PNMA8C: variants seen among roughly 807,000 people sequenced by gnomAD.
PNMA8C encodes the protein paraneoplastic antigen-like protein 8C.
rs369030336 is a variant in PNMA8C, at chr19:46,427,706, C to T, written c.*39G>A. ...ACCCTCCCACAGTCATCACCCACACCCCCTCAGACACTCCCCACGCCCACC... is the reference window on the plus strand; with the variant it reads ...ACCCTCCCACAGTCATCACCCACACTCCCTCAGACACTCCCCACGCCCACC... On this transcript the variant is annotated 3_prime_UTR_variant, in exon 1 of 1. Transcript: ENST00000617053. 5.3e-4 allele frequency: 210 copies of T among 398,070 alleles called. 7 individuals are homozygous for T. In the South Asian group the frequency reaches 0.026, roughly 50 times the overall value. 24.7% of individuals were successfully genotyped at this position (398,070 alleles called of 1,614,324 possible).
In PNMA8C at chr19:46,426,386, CCTCAG is replaced by C. The variant is rs1969420193; in HGVS notation, c.*1354_*1358del. 1 of 152,082 alleles carries C rather than the reference CCTCAG, an allele frequency of 6.6e-6. No individual in the cohort carries two copies. The highest frequency in any genetic ancestry group is 1.5e-5 in the Non-Finnish European group (1 of 68,046). The allele number at this position is 152,082 out of a possible 1,614,324, so 9.4% of individuals were successfully genotyped here. A position where few individuals can be genotyped will look rare whatever the true frequency, so the allele number is the denominator to read the frequency against. ...AGAGCCGCTTACAGATCAGTGAGTT[CCTCAG>C]AGGTGGGGAGCAGGCAACTCACTCT... On this transcript the variant is annotated 3_prime_UTR_variant, in exon 1 of 1. Coordinates refer to ENST00000617053, the MANE Select transcript of PNMA8C (RefSeq NM_001386793.1).
chr19:46,427,433 A>C lies in PNMA8C; in HGVS notation c.*312T>G. ...TCCTGGAACATAGTAGGTATGCAAT[A>C]AATATCTGTAAGATGAATAAATGAG... On this transcript the variant is annotated 3_prime_UTR_variant, in exon 1 of 1. Coordinates refer to ENST00000617053, the MANE Select transcript of PNMA8C (RefSeq NM_001386793.1). 1 of 225,912 alleles carries C rather than the reference A, an allele frequency of 4.4e-6. No individual in the cohort carries two copies. The allele number at this position is 225,912 out of a possible 1,614,324, so 14.0% of individuals were successfully genotyped here.
At position 46,428,002 on chromosome 19, in the gene PNMA8C, T is replaced by C. The variant is rs1244244306; in HGVS notation, c.358A>G (p.Arg120Gly). 2.5e-6 allele frequency: 1 copy of C among 398,776 alleles called. No individual in the cohort carries two copies. Among genetic ancestry groups the C allele is most frequent in the Non-Finnish European group, 4.4e-6 (1 of 226,182 alleles). The allele number at this position is 398,776 out of a possible 1,614,324, so 24.7% of individuals were successfully genotyped here. A position where few individuals can be genotyped will look rare whatever the true frequency, so the allele number is the denominator to read the frequency against. ...KLNLFLQSEG[R>G]TVEDMARVLR... The stretch of plus-strand genomic sequence containing the variant: ...ACCCGGGCCATATCCTCCACCGTCC[T>C]GCCCTCGCTCTGCAGAAAGAGGTTC... The change falls in exon 1 of 1, where the codon AGG (arginine) becomes GGG (glycine). Residue 120 changes from arginine (R) to glycine (G), a missense_variant. Physicochemically the swap from Arg to Gly is moderately radical, Grantham distance 125. Coordinates refer to ENST00000617053, the MANE Select transcript of PNMA8C (RefSeq NM_001386793.1).
chr19:46,426,362 G>A lies in PNMA8C; in HGVS notation c.*1383C>T, dbSNP rs12052159. The stretch of plus-strand genomic sequence containing the variant: ...GTAGAGAAAGACGACAGCTTTTCAA[G>A]AGCCGCTTACAGATCAGTGAGTTCC... On this transcript the variant is annotated 3_prime_UTR_variant, in exon 1 of 1. Coordinates refer to ENST00000617053, the MANE Select transcript of PNMA8C (RefSeq NM_001386793.1). 43,673 of 151,824 alleles carry A rather than the reference G, an allele frequency of 0.29. 6,856 individuals are homozygous for A. The highest frequency in any genetic ancestry group is 0.38 in the South Asian group (1,807 of 4,808). The allele number at this position is 151,824 out of a possible 1,614,324, so 9.4% of individuals were successfully genotyped here.
chr19:46,426,890 A>G lies in PNMA8C; in HGVS notation c.*855T>C, dbSNP rs404997. On this transcript the variant is annotated 3_prime_UTR_variant, in exon 1 of 1. Coordinates refer to ENST00000617053, the MANE Select transcript of PNMA8C (RefSeq NM_001386793.1). ...GCGGCTGGTCCCGCGGGGTCTCCCG[A>G]GTAGCGGAAGATATTTGTGGGTCTT... is the stretch of plus-strand genomic sequence containing the variant. 104,894 of 152,252 alleles carry G rather than the reference A, an allele frequency of 0.69. 36,681 individuals carry two copies. Among genetic ancestry groups the G allele is most frequent in the African/African-American group, 0.83 (34,328 of 41,564 alleles). 9.4% of individuals were successfully genotyped at this position (152,252 alleles called of 1,614,324 possible). A position where few individuals can be genotyped will look rare whatever the true frequency, so the allele number is the denominator to read the frequency against.
At position 46,426,899 on chromosome 19, in the gene PNMA8C, A is replaced by C. The variant is rs1306280487; in HGVS notation, c.*846T>G. ...CCCGCGGGGTCTCCCGAGTAGCGGA[A>C]GATATTTGTGGGTCTTTGAGACCCT... On this transcript the variant is annotated 3_prime_UTR_variant, in exon 1 of 1. Coordinates refer to ENST00000617053, the MANE Select transcript of PNMA8C (RefSeq NM_001386793.1). 1 of 152,278 alleles carries C rather than the reference A, an allele frequency of 6.6e-6. No individual in the cohort carries two copies. The highest frequency in any genetic ancestry group is 1.5e-5 in the Non-Finnish European group (1 of 68,068). 9.4% of individuals were successfully genotyped at this position (152,278 alleles called of 1,614,324 possible).
rs145378336 is a variant in PNMA8C at position 46,428,135 on chromosome 19, C to G, written c.225G>C (p.Thr75=). The change falls in exon 1 of 1, where the codon ACG becomes ACC. Residue 75 remains threonine, a synonymous_variant. Transcript: ENST00000617053. The part of the protein sequence containing the change: ...DKSKAAIIQL[T]EDINYAVVPR... The stretch of plus-strand genomic sequence containing the variant: ...GGACCACGGCGTAATTGATGTCCTC[C>G]GTCAGCTGAATGATGGCCGCCTTGG... The G allele has an allele frequency of 2.5e-6, 1 of 398,572 alleles. No individual in the cohort carries two copies. The highest frequency in any genetic ancestry group is 4.4e-5 in the Admixed American group (1 of 22,694). The allele number at this position is 398,572 out of a possible 1,614,324, so 24.7% of individuals were successfully genotyped here. A position where few individuals can be genotyped will look rare whatever the true frequency, so the allele number is the denominator to read the frequency against.
Position 46,425,711 on chromosome 19 carries a change from A to C in PNMA8C, c.*2034T>G, listed in dbSNP as rs2147441174. 1 of 152,192 alleles carries C rather than the reference A, an allele frequency of 6.6e-6. No homozygotes were observed. The highest frequency in any genetic ancestry group is 6.6e-5 in the Admixed American group (1 of 15,260). 9.4% of individuals were successfully genotyped at this position (152,192 alleles called of 1,614,324 possible). ...TGAGACCATCCTGGCCAACATGGTG[A>C]AACCCTTTCTCTAGTAAAAATACAA... On this transcript the variant is annotated 3_prime_UTR_variant, in exon 1 of 1. Transcript: ENST00000617053.
Position 46,426,060 on chromosome 19 carries a change from C to CGTA in PNMA8C, c.*1684_*1685insTAC, listed in dbSNP as rs1969417509. ...TCTCTGAGCAAAAGATCTGCCTACT[C>CGTA]ACATGTATTTGGATTTTACCTGATT... On this transcript the variant is annotated 3_prime_UTR_variant, in exon 1 of 1. Coordinates refer to ENST00000617053, the MANE Select transcript of PNMA8C (RefSeq NM_001386793.1). The CGTA allele has an allele frequency of 6.6e-6, 1 of 152,226 alleles. No individual in the cohort carries two copies. The highest frequency in any genetic ancestry group is 1.5e-5 in the Non-Finnish European group (1 of 68,036). 9.4% of individuals were successfully genotyped at this position (152,226 alleles called of 1,614,324 possible).
In PNMA8C at chr19:46,425,952, G is replaced by C. The variant is rs955471092; in HGVS notation, c.*1793C>G. On this transcript the variant is annotated 3_prime_UTR_variant, in exon 1 of 1. Coordinates refer to ENST00000617053, the MANE Select transcript of PNMA8C (RefSeq NM_001386793.1). The stretch of plus-strand genomic sequence containing the variant: ...GGTAGGCTGAGTCTTTGTGTTGTGT[G>C]TAAGTTACATTTTTGAAAAGAGATT... The C allele has an allele frequency of 6.6e-6, 1 of 152,160 alleles. No individual in the cohort carries two copies. The highest frequency in any genetic ancestry group is 1.5e-5 in the Non-Finnish European group (1 of 68,026). 9.4% of individuals were successfully genotyped at this position (152,160 alleles called of 1,614,324 possible). A position where few individuals can be genotyped will look rare whatever the true frequency, so the allele number is the denominator to read the frequency against.
Position 46,427,752 on chromosome 19 carries a change from T to A in PNMA8C, c.608A>T (p.Lys203Met). ...NRRRHHASDK[K>M]L The stretch of plus-strand genomic sequence containing the variant: ...CCACCCGATGCCACCACCTCACAGC[T>A]TCTTGTCTGAGGCGTGATGCCGCCG... The change falls in exon 1 of 1, where the codon AAG (lysine) becomes ATG (methionine). Residue 203 changes from lysine (K) to methionine (M), a missense_variant. Transcript: ENST00000617053. The A allele has an allele frequency of 2.5e-6, 1 of 398,580 alleles. No individual in the cohort carries two copies. The allele number at this position is 398,580 out of a possible 1,614,324, so 24.7% of individuals were successfully genotyped here.
chr19:46,428,275 G>T lies in PNMA8C; in HGVS notation c.85C>A (p.Leu29Met). 2.5e-6 allele frequency: 1 copy of T among 398,686 alleles called. No individual in the cohort carries two copies. The allele number at this position is 398,686 out of a possible 1,614,324, so 24.7% of individuals were successfully genotyped here. The change falls in exon 1 of 1, where the codon CTG becomes ATG. Residue 29 changes from leucine (L) to methionine (M), a missense_variant. Transcript: ENST00000617053. ...EVDSYKSLMI[L>M]GIPEDCNHEE... Reference sequence around the variant, plus strand: ...TGGTTGCAGTCCTCCGGGATCCCCAGGATCATCAGGGACTTGTAACTGTCC... The same window carrying T: ...TGGTTGCAGTCCTCCGGGATCCCCATGATCATCAGGGACTTGTAACTGTCC...
At position 46,428,122 on chromosome 19, in the gene PNMA8C, A is replaced by C; in HGVS notation, c.238T>G (p.Tyr80Asp). 1 of 398,636 alleles carries C rather than the reference A, an allele frequency of 2.5e-6. No homozygotes were observed. Among genetic ancestry groups the C allele is most frequent in the Admixed American group, 4.4e-5 (1 of 22,724 alleles). The allele number at this position is 398,636 out of a possible 1,614,324, so 24.7% of individuals were successfully genotyped here. Residue 80 changes from tyrosine (Y) to aspartate (D), a missense_variant, in exon 1 of 1, where the codon TAC (tyrosine) becomes GAC (aspartate). Coordinates refer to ENST00000617053, the MANE Select transcript of PNMA8C (RefSeq NM_001386793.1). ...AIIQLTEDIN[Y>D]AVVPREIKGK... ...TTGATCTCCCTGGGGACCACGGCGT[A>C]ATTGATGTCCTCCGTCAGCTGAATG...
Position 46,427,501 on chromosome 19 carries a change from C to T in PNMA8C, c.*244G>A. The stretch of plus-strand genomic sequence containing the variant: ...TTAACCACACCCACTCAGATGTAAC[C>T]CACAAGTTAGTTAACTCAGATAAAG... On this transcript the variant is annotated 3_prime_UTR_variant, in exon 1 of 1. Transcript: ENST00000617053. 2.9e-6 allele frequency: 1 copy of T among 350,828 alleles called. No homozygotes were observed. Among genetic ancestry groups the T allele is most frequent in the Non-Finnish European group, 5.1e-6 (1 of 195,972 alleles). 21.7% of individuals were successfully genotyped at this position (350,828 alleles called of 1,614,324 possible).
rs1381045760 is a variant in PNMA8C, at chr19:46,428,291, G to A, written c.69C>T (p.Tyr23=). Residue 23 remains tyrosine (Y), a synonymous_variant, in exon 1 of 1, where the codon TAC becomes TAT. Transcript: ENST00000617053. ...HGCKALEVDS[Y]KSLMILGIPE... ...GGATCCCCAGGATCATCAGGGACTT[G>A]TAACTGTCCACCTCCAGGGCCTTGC... 2 of 398,600 alleles carry A rather than the reference G, an allele frequency of 5.0e-6. No homozygotes were observed. Among genetic ancestry groups the A allele is most frequent in the Non-Finnish European group, 8.8e-6 (2 of 226,122 alleles). 24.7% of individuals were successfully genotyped at this position (398,600 alleles called of 1,614,324 possible). A position where few individuals can be genotyped will look rare whatever the true frequency, so the allele number is the denominator to read the frequency against.
rs1025207507 is a variant in PNMA8C at position 46,426,959 on chromosome 19, G to A, written c.*786C>T. On this transcript the variant is annotated 3_prime_UTR_variant, in exon 1 of 1. Coordinates refer to ENST00000617053, the MANE Select transcript of PNMA8C (RefSeq NM_001386793.1). ...AGAAATTACTCTCATCTACTCAAAT[G>A]ATACCCATACACATATTCAGGTGTT... The A allele has an allele frequency of 2.6e-5, 4 of 152,212 alleles. No individual in the cohort carries two copies. The highest frequency in any genetic ancestry group is 2.9e-5 in the Non-Finnish European group (2 of 68,052). The allele number at this position is 152,212 out of a possible 1,614,324, so 9.4% of individuals were successfully genotyped here.
rs1246988124 is a variant in PNMA8C at position 46,426,457 on chromosome 19, C to T, written c.*1288G>A. On this transcript the variant is annotated 3_prime_UTR_variant, in exon 1 of 1. Transcript: ENST00000617053. ...CTTGACATGCGCAAAACAGGGTGGCCCACTCCGAACAAGTTTGTGCCAGAG... is the reference window on the plus strand; with the variant it reads ...CTTGACATGCGCAAAACAGGGTGGCTCACTCCGAACAAGTTTGTGCCAGAG... 2 of 152,004 alleles carry T rather than the reference C, an allele frequency of 1.3e-5. No homozygotes were observed. Among genetic ancestry groups the T allele is most frequent in the African/African-American group, 4.8e-5 (2 of 41,354 alleles). The allele number at this position is 152,004 out of a possible 1,614,324, so 9.4% of individuals were successfully genotyped here. A position where few individuals can be genotyped will look rare whatever the true frequency, so the allele number is the denominator to read the frequency against.
chr19:46,427,330 T>A lies in PNMA8C; in HGVS notation c.*415A>T, dbSNP rs1678276837. ...CGCTCACTCTGATGTCTCCAAGTAA[T>A]TCAAATATTACCCACTTACTCTGAG... On this transcript the variant is annotated 3_prime_UTR_variant, in exon 1 of 1. Transcript: ENST00000617053. 6.4e-6 allele frequency: 1 copy of A among 157,000 alleles called. No homozygotes were observed. The highest frequency in any genetic ancestry group is 6.5e-5 in the Admixed American group (1 of 15,390). The allele number at this position is 157,000 out of a possible 1,614,324, so 9.7% of individuals were successfully genotyped here. A position where few individuals can be genotyped will look rare whatever the true frequency, so the allele number is the denominator to read the frequency against.
rs1228153189 is a variant in PNMA8C at position 46,427,456 on chromosome 19, G to A, written c.*289C>T. 2.1e-5 allele frequency: 6 copies of A among 279,584 alleles called. No individual in the cohort carries two copies. Among genetic ancestry groups the A allele is most frequent in the Admixed American group, 1.1e-4 (2 of 18,936 alleles). The allele number at this position is 279,584 out of a possible 1,614,324, so 17.3% of individuals were successfully genotyped here. On this transcript the variant is annotated 3_prime_UTR_variant, in exon 1 of 1. Transcript: ENST00000617053. ...ATAAATATCTGTAAGATGAATAAAT[G>A]AGCCACGGGCACCCAGACGTTAACC... is the stretch of plus-strand genomic sequence containing the variant.
Sources: gnomAD v4.1 joint callset for allele counts on GRCh38, gnomAD v4.1.1 for gene constraint, MANE v1.5 for transcripts, NCBI Gene and HGNC (gene_info 2026-07-23, HGNC 2026-07-21) for gene names.